ZBTB21: variants seen among roughly 807,000 people sequenced by gnomAD.
ZBTB21 encodes zinc finger and BTB domain containing 21, also known as zinc finger and BTB domain-containing protein 21.
ZBTB21 carries 10 observed loss-of-function variants against 39.8 expected under a neutral mutation model. The ratio of observed to expected loss-of-function variants is 0.25; its 90% CI spans 0.16 to 0.43. ZBTB21 has a LOEUF of 0.43. ZBTB21 is among the 20% of genes least tolerant of loss of function. The pLI is 1.00. For synonymous variants in ZBTB21, 551 were observed against 498.8 expected (o/e 1.10, Z -1.40); for missense variants, 1,221 against 1,296.3 (o/e 0.94, Z 0.89).
In ZBTB21 at chr21:41,990,969, A is replaced by G; in HGVS notation, c.3127T>C (p.Phe1043Leu). Residue 1043 changes from phenylalanine (F) to leucine (L), a missense_variant, in exon 3 of 3, where the codon TTT (phenylalanine) becomes CTT (leucine). This residue lies in a region of ZBTB21 where 523 missense variants were observed against 542.5 expected (regional missense o/e 0.96). Transcript: ENST00000310826. ...PLSAITFKRQ[F>L]MCKLCHRTFK... ...GTCCTGTGGCAAAGTTTACACATAA[A>G]CTGTCTTTTAAATGTGATTGCTGAA... 2.0e-6 allele frequency: 3 copies of G among 1,525,186 alleles called. No individual in the cohort carries two copies. The highest frequency in any genetic ancestry group is 2.6e-6 in the Non-Finnish European group (3 of 1,138,284). The allele number at this position is 1,525,186 out of a possible 1,614,324, so 94.5% of individuals were successfully genotyped here.
chr21:42,008,887 T>C (rs930259903), intron 1 of ZBTB21, among the ~76,000 whole-genome samples: 3 of 152,236 alleles, frequency 2.0e-5, no homozygotes, highest in Admixed American at 6.5e-5. Flanking sequence ...ACTTAATGAC[T>C]ACTAGTCCTT....
intron 2 of ZBTB21, among the ~76,000 whole-genome samples, chr21:41,997,214 G>A (rs975384640): frequency 1.3e-5 from 2 of 152,154 alleles, no homozygotes; most frequent in Non-Finnish European, 2.9e-5. Context: ...GAACCACTGA[G>A]CCTGGCCAAG....
rs546580762 is a variant in ZBTB21, at chr21:41,989,044, T to A, written c.*1851A>T. On this transcript the variant is annotated 3_prime_UTR_variant, in exon 3 of 3. Transcript: ENST00000310826. ...TCCTGATGTTTCATGTAAACCCATATGCTTTAGTTTTATCCTTAAAATGCA... is the reference window on the plus strand; with the variant it reads ...TCCTGATGTTTCATGTAAACCCATAAGCTTTAGTTTTATCCTTAAAATGCA... The A allele has an allele frequency of 2.7e-4, 41 of 152,298 alleles. No homozygotes were observed. Among genetic ancestry groups the A allele is most frequent in the African/African-American group, 8.7e-4 (36 of 41,580 alleles). The allele number at this position is 152,298 out of a possible 1,614,324, so 9.4% of individuals were successfully genotyped here.
At chr21:41,996,103 G>T (rs1012448230) in intron 2 of ZBTB21, among the ~76,000 whole-genome samples, 1 of 152,234 alleles carries the variant, frequency 6.6e-6, no homozygotes, top group Admixed American at 6.5e-5. Flanking sequence ...AATGCAGAAG[G>T]GAAATGTGGG....
rs1260077386 is a variant in ZBTB21, at chr21:41,987,853, C to G, written c.*3042G>C. The stretch of plus-strand genomic sequence containing the variant: ...CACACCGCACCTCCGTGAACAGACA[C>G]ATTTTATTCCTGTTTCACAGCAGCT... On this transcript the variant is annotated 3_prime_UTR_variant, in exon 3 of 3. Coordinates refer to ENST00000310826, the MANE Select transcript of ZBTB21 (RefSeq NM_001098402.2). 6.6e-6 allele frequency: 1 copy of G among 152,210 alleles called. No homozygotes were observed. The highest frequency in any genetic ancestry group is 1.5e-5 in the Non-Finnish European group (1 of 68,028). 9.4% of individuals were successfully genotyped at this position (152,210 alleles called of 1,614,324 possible). A position where few individuals can be genotyped will look rare whatever the true frequency, so the allele number is the denominator to read the frequency against.
At chr21:42,007,487 C>T (rs1019798370) in intron 1 of ZBTB21, among the ~76,000 whole-genome samples, 1 of 152,170 alleles carries the variant, frequency 6.6e-6, no homozygotes, top group Non-Finnish European at 1.5e-5. Flanking sequence ...CAGCCTCTGC[C>T]ACCCAAAATC....
At chr21:41,997,962 C>T (rs2065771134) in intron 2 of ZBTB21, among the ~76,000 whole-genome samples, 1 of 152,042 alleles carries the variant, frequency 6.6e-6, no homozygotes, top group South Asian at 2.1e-4. Flanking sequence ...GTGCCCTCCT[C>T]TTGCAGGGTT....
chr21:41,994,225 G>A, intron 2 of ZBTB21, 117 bp from the exon 3 acceptor site: 1 of 760,184 alleles, frequency 1.3e-6, no homozygotes, highest in Non-Finnish European at 2.0e-6. Context: ...CAGACCGTAG[G>A]CTAACAGAAG....
At chr21:42,002,110 G>A (rs1173833719) in intron 2 of ZBTB21, among the ~76,000 whole-genome samples, 1 of 152,176 alleles carries the variant, frequency 6.6e-6, no homozygotes, top group Non-Finnish European at 1.5e-5. Flanking sequence ...AAGCAACATT[G>A]TCCATTCTCC....
rs1413767074 is a variant in ZBTB21, at chr21:41,986,850, A to T, written c.*4045T>A. ...ACTGACTCGAAGCAAAATACAGTAC[A>T]AATTTATTGACTCCAATCATTCTTA... On this transcript the variant is annotated 3_prime_UTR_variant, in exon 3 of 3. Coordinates refer to ENST00000310826, the MANE Select transcript of ZBTB21 (RefSeq NM_001098402.2). 6.6e-6 allele frequency: 1 copy of T among 152,650 alleles called. No individual in the cohort carries two copies. Among genetic ancestry groups the T allele is most frequent in the Non-Finnish European group, 1.5e-5 (1 of 68,032 alleles). 9.5% of individuals were successfully genotyped at this position (152,650 alleles called of 1,614,324 possible).
chr21:42,005,504 C>T (rs1189573334), intron 1 of ZBTB21, among the ~76,000 whole-genome samples: 1 of 151,406 alleles, frequency 6.6e-6, no homozygotes, highest in Non-Finnish European at 1.5e-5. Context: ...AGTTTTTTAG[C>T]TTTTCTTTTA....
At position 42,008,565 on chromosome 21, in the gene ZBTB21, A is replaced by C. The variant is rs1374200515; in HGVS notation, c.-79+1687T>G. Among the ~76,000 whole-genome samples the C allele has an allele frequency of 2.3e-5, 3 of 129,128 alleles. No individual in the cohort carries two copies. In the South Asian group the frequency reaches 7.2e-4, roughly 31 times the overall value. 84.7% of individuals were successfully genotyped at this position (129,128 alleles called of 152,430 possible). ...CAAAAAAAAAAAAAAAAAAAAAAGA[A>C]AAAAAGAAAAGAAAAGAAAAAATTG... On this transcript the variant is annotated intron_variant, in intron 1 of 2. Coordinates refer to ENST00000310826, the MANE Select transcript of ZBTB21 (RefSeq NM_001098402.2).
Position 41,993,722 on chromosome 21 carries a change from G to A in ZBTB21, c.374C>T (p.Pro125Leu), listed in dbSNP as rs747891800. ...TNIVSKTPQA[P>L]FPTCPNRKKV... ...TTTTCTATTAGGACACGTTGGAAAG[G>A]GGGCTTGAGGTGTTTTAGAAACGAT... The change falls in exon 3 of 3, where the codon CCC becomes CTC. Residue 125 changes from proline (P) to leucine (L), a missense_variant. Pro to Leu is a moderately conservative substitution (Grantham distance 98, BLOSUM62 -3). Transcript: ENST00000310826. 1 of 1,614,030 alleles carries A rather than the reference G, an allele frequency of 6.2e-7. No homozygotes were observed. The highest frequency in any genetic ancestry group is 1.1e-5 in the South Asian group (1 of 91,050).
rs2065585543 is a variant in ZBTB21, at chr21:41,986,866, A to G, written c.*4029T>C. The G allele has an allele frequency of 6.6e-6, 1 of 152,642 alleles. No individual in the cohort carries two copies. The highest frequency in any genetic ancestry group is 1.5e-5 in the Non-Finnish European group (1 of 68,040). 9.5% of individuals were successfully genotyped at this position (152,642 alleles called of 1,614,324 possible). On this transcript the variant is annotated 3_prime_UTR_variant, in exon 3 of 3. Transcript: ENST00000310826. ...ATACAGTACAAATTTATTGACTCCAATCATTCTTAGTCAACATTTAAGCAA... is the reference window on the plus strand; with the variant it reads ...ATACAGTACAAATTTATTGACTCCAGTCATTCTTAGTCAACATTTAAGCAA...
chr21:41,999,787 T>C (rs2065795918), intron 2 of ZBTB21, among the ~76,000 whole-genome samples: 1 of 152,138 alleles, frequency 6.6e-6, no homozygotes, highest in Non-Finnish European at 1.5e-5. Context: ...TGGAGCAGTG[T>C]GTGCTGGGAG....
Position 41,994,117 on chromosome 21 carries a change from C to T in ZBTB21, c.-13-9G>A, listed in dbSNP as rs1465960581. The T allele has an allele frequency of 6.5e-7, 1 of 1,545,828 alleles. No individual in the cohort carries two copies. Among genetic ancestry groups the T allele is most frequent in the African/African-American group, 1.4e-5 (1 of 72,066 alleles). On this transcript the variant is annotated splice_polypyrimidine_tract_variant and intron_variant, in intron 2 of 2. Coordinates refer to ENST00000310826, the MANE Select transcript of ZBTB21 (RefSeq NM_001098402.2). ...CCATGGCTTGAGTTTATCTAAAAGA[C>T]AAAATGTAAAATTACTACAGATATT...
intron 2 of ZBTB21, among the ~76,000 whole-genome samples, chr21:41,997,244 A>G (rs1234603467): frequency 6.6e-6 from 1 of 152,166 alleles, no homozygotes; most frequent in Non-Finnish European, 1.5e-5. Flanking sequence ...AAAATAGAAA[A>G]GAATTTGGAA....
chr21:42,003,342 C>T (rs1436799040), intron 1 of ZBTB21, among the ~76,000 whole-genome samples: 1 of 152,206 alleles, frequency 6.6e-6, no homozygotes, highest in African/African-American at 2.4e-5. Context: ...GAGTAACTGG[C>T]CTGCTTCTTG....
At chr21:41,994,134 AC>A (rs749816215) in intron 2 of ZBTB21, 26 bp from the exon 3 acceptor site, 2 of 1,531,644 alleles carry the variant, frequency 1.3e-6, no homozygotes, top group Non-Finnish European at 1.7e-6. Context: ...TAAAATTACT[AC>A]AGATATTGCA....
Sources: allele counts gnomAD v4.1 joint callset (sites outside exome capture counted in the v4.1 genomes callset), GRCh38; gene constraint gnomAD v4.1.1; regional missense constraint gnomAD v4.1.1; transcripts MANE v1.5; gene names NCBI Gene and HGNC (gene_info 2026-07-23, HGNC 2026-07-21).